The following PHTF1 variants were observed in gnomAD, a reference collection of about 807,000 sequenced individuals.
The protein encoded by PHTF1 is protein PHTF1.
A neutral mutation model predicts 102.4 loss-of-function variants in PHTF1; 88 were observed. That is an observed-to-expected ratio of 0.86 (90% CI 0.72 to 1.03). The LOEUF (loss-of-function observed/expected upper bound fraction) is 1.03, where lower values mean the gene tolerates loss of function less well. PHTF1 is among the 50% of genes least tolerant of loss of function. The pLI is 0.00. For missense variants in PHTF1, 814 were observed against 909.5 expected (o/e 0.89, Z 1.35); for synonymous variants, 289 against 305.2 (o/e 0.95, Z 0.55).
chr1:113,736,614 C>T (rs1193184409), intron 5 of PHTF1, among the ~76,000 whole-genome samples: 6 of 151,614 alleles, frequency 4.0e-5, no homozygotes, highest in Admixed American at 6.6e-5. Flanking sequence ...GACGTGGTGG[C>T]GCACACCTGT....
intron 3 of PHTF1, among the ~76,000 whole-genome samples, chr1:113,743,603 C>T (rs1053945280): frequency 2.6e-5 from 4 of 152,074 alleles, no homozygotes; most frequent in South Asian, 2.1e-4. Flanking sequence ...GTATGCTATA[C>T]TTTTTATGAC....
intron 6 of PHTF1, 79 bp from the exon 7 acceptor site, chr1:113,724,972 A>G (rs1358857158): frequency 7.4e-6 from 7 of 940,160 alleles, no homozygotes; most frequent in Non-Finnish European, 1.1e-5. Context: ...ACAGAAAATT[A>G]TACTGACAAA....
At chr1:113,759,735 T>C (rs185517775), upstream of PHTF1, among the ~76,000 whole-genome samples, 30 of 152,338 alleles carry the variant, frequency 2.0e-4, no homozygotes, top group African/African-American at 7.0e-4. Context: ...CATCCAGCGG[T>C]CTAAAGGAGG....
chr1:113,697,763 G>T, intron 18 of PHTF1, 38 bp from the exon 19 acceptor site: 1 of 1,523,740 alleles, frequency 6.6e-7, no homozygotes, highest in South Asian at 1.1e-5. Flanking sequence ...TTAGTTCTAG[G>T]AAAACCAGGT....
intron 14 of PHTF1, among the ~76,000 whole-genome samples, 177 bp downstream of exon 14, chr1:113,704,489 C>T (rs1260356244): frequency 6.6e-6 from 1 of 152,140 alleles, no homozygotes; most frequent in Non-Finnish European, 1.5e-5. Flanking sequence ...CTCTTCTTTA[C>T]CTACCCCTAC....
At chr1:113,731,709 C>T (rs1019306393) in intron 5 of PHTF1, among the ~76,000 whole-genome samples, 4 of 151,758 alleles carry the variant, frequency 2.6e-5, no homozygotes, top group South Asian at 2.1e-4. Flanking sequence ...GCCTGGCCAA[C>T]GTGGCAAAAC....
rs145476172 is a variant in PHTF1, at chr1:113,705,946, A to T, written c.1615T>A (p.Cys539Ser). ...ATGAAAAAAAACATCCAAGTAAGAC[A>T]CAATCTTTCAAAAAAATTAATTATC... ...LSIINFFERL[C>S]LTWMFFFMMC... The change falls in exon 13 of 19, where the codon TGT (cysteine) becomes AGT (serine). Residue 539 changes from cysteine to serine, a missense_variant. By Grantham distance (112) the Cys-to-Ser change is moderately radical. Coordinates refer to ENST00000369604, the MANE Select transcript of PHTF1 (RefSeq NM_001323043.2). 3.7e-6 allele frequency: 6 copies of T among 1,613,992 alleles called. No individual in the cohort carries two copies. Among genetic ancestry groups the T allele is most frequent in the Non-Finnish European group, 5.1e-6 (6 of 1,179,936 alleles).
chr1:113,711,967 T>C lies in PHTF1; in HGVS notation c.930A>G (p.Ser310=), dbSNP rs1161014407. 6.2e-7 allele frequency: 1 copy of C among 1,614,110 alleles called. No individual in the cohort carries two copies. Among genetic ancestry groups the C allele is most frequent in the Admixed American group, 1.7e-5 (1 of 60,022 alleles). The part of the protein sequence containing the change: ...DNGCEVKNRK[S]ILSRHLNSQV... ...GAGAGTTTAGGTGCCTTGAAAGTATTGATTTTCTATTCTTAACTTCACAAC... is the reference window on the plus strand; with the variant it reads ...GAGAGTTTAGGTGCCTTGAAAGTATCGATTTTCTATTCTTAACTTCACAAC... Residue 310 remains serine, a synonymous_variant, in exon 9 of 19, where the codon TCA becomes TCG. Transcript: ENST00000369604.
At chr1:113,704,536 A>G (rs1390695010) in intron 14 of PHTF1, 130 bp downstream of exon 14, 4 of 641,792 alleles carry the variant, frequency 6.2e-6, no homozygotes, top group Middle Eastern at 2.7e-4. Context: ...CTTGCTGTCC[A>G]GCAAGTCTGT....
chr1:113,753,655 T>C (rs1354935624), intron 3 of PHTF1, among the ~76,000 whole-genome samples: 1 of 152,068 alleles, frequency 6.6e-6, no homozygotes, highest in Non-Finnish European at 1.5e-5. Flanking sequence ...CTTGAACTCC[T>C]GAGCTCATGC....
At chr1:113,700,250 C>T (rs75290614) in intron 16 of PHTF1, 66,047 of 610,782 alleles carry the variant, frequency 0.11, 3,861 homozygotes, top group East Asian at 0.18. Flanking sequence ...GATTCTAAGA[C>T]AAAAAAAAAA....
chr1:113,713,734 A>C, intron 7 of PHTF1: 1 of 289,854 alleles, frequency 3.5e-6, no homozygotes, highest in Non-Finnish European at 6.4e-6. Flanking sequence ...CTCAGACACA[A>C]TGCAACTCCT....
At chr1:113,722,474 G>A (rs1443385265) in intron 7 of PHTF1, among the ~76,000 whole-genome samples, 1 of 151,972 alleles carries the variant, frequency 6.6e-6, no homozygotes, top group Non-Finnish European at 1.5e-5. Flanking sequence ...AAAAAATATG[G>A]AAAGATATTC....
intron 17 of PHTF1, among the ~76,000 whole-genome samples, chr1:113,698,636 CACACACACACACACACACACACAT>C (rs1649091913): frequency 1.3e-5 from 2 of 150,932 alleles, no homozygotes; most frequent in African/African-American, 4.9e-5. Context: ...CACACACACA[CACACACACACACACACACACACAT>C]ACACACATAT....
Position 113,726,571 on chromosome 1 carries a change from A to C in PHTF1, c.335T>G (p.Ile112Arg). ...CATCATCAAATATAAGACAATTGCT[A>C]TAACTGAAAAGAAGAGGTTTTAAGA... ...WLLLLYFMQV[I>R]AIVLYLMMPI... The change falls in exon 6 of 19, where the codon ATA becomes AGA. Residue 112 changes from isoleucine (I) to arginine (R), a missense_variant. By Grantham distance (97) the Ile-to-Arg change is moderately conservative. Coordinates refer to ENST00000369604, the MANE Select transcript of PHTF1 (RefSeq NM_001323043.2). The C allele has an allele frequency of 6.4e-7, 1 of 1,564,348 alleles. No individual in the cohort carries two copies. Among genetic ancestry groups the C allele is most frequent in the South Asian group, 1.2e-5 (1 of 83,344 alleles).
intron 10 of PHTF1, among the ~76,000 whole-genome samples, 162 bp from the exon 11 acceptor site, chr1:113,710,637 T>G (rs1176980773): frequency 6.6e-6 from 1 of 151,836 alleles, no homozygotes; most frequent in Non-Finnish European, 1.5e-5. Flanking sequence ...CAATAATGCT[T>G]TTTTATTTTT....
At position 113,699,804 on chromosome 1, in the gene PHTF1, G is replaced by C; in HGVS notation, c.2047-5C>G. The stretch of plus-strand genomic sequence containing the variant: ...CATCTTAAGATATAAATTAATCTAA[G>C]GGAAGGAATAGAAATTAAGGTAAAT... On this transcript the variant is annotated splice_region_variant and splice_polypyrimidine_tract_variant and intron_variant, in intron 16 of 18. Transcript: ENST00000369604. The C allele has an allele frequency of 9.7e-7, 1 of 1,034,644 alleles. No homozygotes were observed. Among genetic ancestry groups the C allele is most frequent in the Non-Finnish European group, 1.5e-6 (1 of 688,602 alleles). 64.1% of individuals were successfully genotyped at this position (1,034,644 alleles called of 1,614,324 possible). A position where few individuals can be genotyped will look rare whatever the true frequency, so the allele number is the denominator to read the frequency against.
chr1:113,717,604 C>T (rs1652259438), intron 7 of PHTF1, among the ~76,000 whole-genome samples: 1 of 151,946 alleles, frequency 6.6e-6, no homozygotes. Flanking sequence ...GAAAACATAC[C>T]CGAGATTGGG....
chr1:113,727,173 T>C (rs1463223112), intron 5 of PHTF1, among the ~76,000 whole-genome samples: 1 of 152,204 alleles, frequency 6.6e-6, no homozygotes, highest in Non-Finnish European at 1.5e-5. Flanking sequence ...TAAATAGTAA[T>C]TCTTGTGCTA....
Sources: gnomAD v4.1 joint callset for allele counts (sites outside exome capture counted in the v4.1 genomes callset) on GRCh38, gnomAD v4.1.1 for gene constraint, MANE v1.5 for transcripts, NCBI Gene and HGNC (gene_info 2026-07-23, HGNC 2026-07-21) for gene names.